MANBA: variants seen among roughly 807,000 people sequenced by gnomAD.
The protein encoded by MANBA is mannosidase beta.
In MANBA, 83 loss-of-function variants were observed where a neutral mutation model predicts 111.1. The ratio of observed to expected loss-of-function variants is 0.75; its 90% CI spans 0.63 to 0.90. MANBA has a LOEUF of 0.90. Among genes scored for constraint, MANBA ranks in the 40% least tolerant of loss-of-function variants. The probability of loss-of-function intolerance (pLI) is 0.00; values close to 1 mark genes in which losing one functional copy is unlikely to be tolerated. For synonymous variants in MANBA, 370 were observed against 378.7 expected (o/e 0.98, Z 0.27); for missense variants, 1,036 against 1,069.0 (o/e 0.97, Z 0.43).
At chr4:102,685,822 C>T (rs550780291) in intron 7 of MANBA, among the ~76,000 whole-genome samples, 26 of 152,232 alleles carry the variant, frequency 1.7e-4, no homozygotes, top group Non-Finnish European at 2.2e-4. Flanking sequence ...AACATTATGA[C>T]AAAAAAGATC....
intron 7 of MANBA, among the ~76,000 whole-genome samples, chr4:102,677,966 T>C (rs1731797648): frequency 1.3e-5 from 2 of 152,206 alleles, no homozygotes; most frequent in Admixed American, 6.5e-5. Context: ...TATCGGTACA[T>C]ATAACCCATA....
Position 102,690,773 on chromosome 4 carries a change from T to TA in MANBA, c.674-3dup. On this transcript the variant is annotated splice_region_variant and splice_polypyrimidine_tract_variant and intron_variant, in intron 5 of 16. Coordinates refer to ENST00000647097, the MANE Select transcript of MANBA (RefSeq NM_005908.4). Reference sequence around the variant, plus strand: ...GATTCCACTCCTGGGCACTCTTATCTAAAATATAAAAAGAAAAAGAAATAT... The same window carrying TA: ...GATTCCACTCCTGGGCACTCTTATCTAAAAATATAAAAAGAAAAAGAAATAT... 7.2e-7 allele frequency: 1 copy of TA among 1,381,192 alleles called. No homozygotes were observed. Among genetic ancestry groups the TA allele is most frequent in the Non-Finnish European group, 9.8e-7 (1 of 1,021,764 alleles). 85.6% of individuals were successfully genotyped at this position (1,381,192 alleles called of 1,614,324 possible).
chr4:102,635,835 C>A (rs374993543), intron 15 of MANBA, 30 bp downstream of exon 15: 63 of 1,596,536 alleles, frequency 3.9e-5, no homozygotes, highest in Non-Finnish European at 5.4e-5. Flanking sequence ...AAGTCTCCTT[C>A]GATCTTAGAA....
chr4:102,752,165 G>T, intron 1 of MANBA: 1 of 786,088 alleles, frequency 1.3e-6, no homozygotes, highest in South Asian at 1.3e-5. Context: ...AATTTCCTCA[G>T]TTCTGTGGTC....
rs764307146 is a variant in MANBA at position 102,639,773 on chromosome 4, T to A, written c.1954A>T (p.Met652Leu). The A allele has an allele frequency of 1.2e-6, 2 of 1,613,996 alleles. No individual in the cohort carries two copies. The highest frequency in any genetic ancestry group is 1.7e-6 in the Non-Finnish European group (2 of 1,180,020). The part of the protein sequence containing the change: ...SEIVDQQGHT[M>L]GALYWQLNDI... Reference sequence around the variant, plus strand: ...TTCAACTGCCAATAAAGTGCCCCCATCGTGTGCCCTTGCTGATCCACTATC... The same window carrying A: ...TTCAACTGCCAATAAAGTGCCCCCAACGTGTGCCCTTGCTGATCCACTATC... The change falls in exon 14 of 17, where the codon ATG becomes TTG. Residue 652 changes from methionine to leucine, a missense_variant. Transcript: ENST00000647097.
At chr4:102,634,745 A>G in intron 16 of MANBA, 43 bp downstream of exon 16, 1 of 1,611,952 alleles carries the variant, frequency 6.2e-7, no homozygotes, top group Middle Eastern at 2.2e-4. Context: ...GGAGAACCCC[A>G]CAAGGCCACA....
At chr4:102,750,227 T>C (rs992541746) in intron 1 of MANBA, among the ~76,000 whole-genome samples, 12 of 152,164 alleles carry the variant, frequency 7.9e-5, no homozygotes, top group Non-Finnish European at 2.9e-5. Context: ...AAGACATACA[T>C]ATCTTTAAAG....
chr4:102,741,572 T>C (rs1363975182), intron 1 of MANBA, among the ~76,000 whole-genome samples: 1 of 152,212 alleles, frequency 6.6e-6, no homozygotes, highest in African/African-American at 2.4e-5. Flanking sequence ...ATTTTTTAAA[T>C]GTGGTATATG....
chr4:102,672,583 C>T (rs540385120), intron 8 of MANBA, among the ~76,000 whole-genome samples: 15 of 152,286 alleles, frequency 9.8e-5, no homozygotes, highest in Non-Finnish European at 1.8e-4. Flanking sequence ...AACAAACCAA[C>T]GTACTTACCA....
chr4:102,695,674 C>A (rs1732673832), intron 5 of MANBA, among the ~76,000 whole-genome samples: 1 of 152,108 alleles, frequency 6.6e-6, no homozygotes, highest in African/African-American at 2.4e-5. Context: ...AGTGGACAGG[C>A]CAAGGGTCCA....
intron 11 of MANBA, among the ~76,000 whole-genome samples, chr4:102,664,425 T>C (rs1162942223): frequency 2.0e-5 from 3 of 151,928 alleles, no homozygotes; most frequent in South Asian, 4.1e-4. Flanking sequence ...CTCGGCTCAC[T>C]GCAAGCTCTA....
intron 4 of MANBA, among the ~76,000 whole-genome samples, chr4:102,721,892 T>C (rs1480557349): frequency 6.6e-6 from 1 of 151,642 alleles, no homozygotes; most frequent in Non-Finnish European, 1.5e-5. Context: ...TATCTGGGCA[T>C]GGTGGTGTTC....
intron 13 of MANBA, among the ~76,000 whole-genome samples, chr4:102,646,463 G>A (rs570845277): frequency 1.3e-5 from 2 of 152,180 alleles, no homozygotes; most frequent in East Asian, 1.9e-4. Flanking sequence ...AAGATAAAAT[G>A]GGCCTCTAAA....
intron 1 of MANBA, among the ~76,000 whole-genome samples, chr4:102,756,495 G>A (rs542389139): frequency 6.6e-6 from 1 of 152,144 alleles, no homozygotes; most frequent in East Asian, 1.9e-4. Flanking sequence ...CTGGGGGAGG[G>A]ATAGCATTAG....
intron 7 of MANBA, among the ~76,000 whole-genome samples, chr4:102,680,884 C>A (rs534257864): frequency 1.3e-5 from 2 of 152,232 alleles, no homozygotes; most frequent in African/African-American, 4.8e-5. Context: ...GACCAGTTCA[C>A]ACATTTGATC....
intron 1 of MANBA, chr4:102,752,563 G>T (rs1485252328): frequency 1.5e-6 from 1 of 672,736 alleles, no homozygotes; most frequent in Non-Finnish European, 2.9e-6. Flanking sequence ...GGGACACAGG[G>T]CTACTTTTCA....
chr4:102,677,156 G>A (rs1731764582), intron 7 of MANBA, among the ~76,000 whole-genome samples: 1 of 152,082 alleles, frequency 6.6e-6, no homozygotes, highest in Non-Finnish European at 1.5e-5. Context: ...TTGATAGAAA[G>A]AAGGACTGAC....
At position 102,670,070 on chromosome 4, in the gene MANBA, G is replaced by A. The variant is rs369912935; in HGVS notation, c.1231-1021C>T. Among the ~76,000 whole-genome samples the A allele has an allele frequency of 1.7e-3, 257 of 150,400 alleles. 12 individuals are homozygous for A. The South Asian group carries it at 0.052, about 31-fold the overall frequency. On this transcript the variant is annotated intron_variant, in intron 9 of 16. Transcript: ENST00000647097. Reference sequence around the variant, plus strand: ...CTTGGTAGGCTGAGGCAGGAGAATCGCTTGAACCCAGGAGGTGAAGGCTGC... The same window carrying A: ...CTTGGTAGGCTGAGGCAGGAGAATCACTTGAACCCAGGAGGTGAAGGCTGC...
At chr4:102,709,745 T>G (rs1721968331) in intron 5 of MANBA, among the ~76,000 whole-genome samples, 1 of 152,306 alleles carries the variant, frequency 6.6e-6, no homozygotes, top group East Asian at 1.9e-4. Flanking sequence ...CTGATTAGCA[T>G]GGATCCAAAG....
Sources: gnomAD v4.1 joint callset for allele counts (sites outside exome capture counted in the v4.1 genomes callset) on GRCh38, gnomAD v4.1.1 for gene constraint, MANE v1.5 for transcripts, NCBI Gene and HGNC (gene_info 2026-07-23, HGNC 2026-07-21) for gene names.